The following DENND1B variants were observed in gnomAD, a reference collection of about 807,000 sequenced individuals.
The protein encoded by DENND1B is DENN domain containing 1B, also known as DENN domain-containing protein 1B.
Under a neutral mutation model 90.1 loss-of-function variants are expected in DENND1B, and 59 were observed. That is an observed-to-expected ratio of 0.65 (90% CI 0.53 to 0.81). The LOEUF is 0.81. Among genes scored for constraint, DENND1B ranks in the 40% least tolerant of loss-of-function variants. The pLI is 0.00. For missense variants in DENND1B, 862 were observed against 912.6 expected (o/e 0.94, Z 0.71); for synonymous variants, 337 against 324.6 (o/e 1.04, Z -0.41).
chr1:197,636,969 A>T (rs1679855133), intron 10 of DENND1B, among the ~76,000 whole-genome samples: 1 of 152,126 alleles, frequency 6.6e-6, no homozygotes, highest in Non-Finnish European at 1.5e-5. Flanking sequence ...ACAATGAGCT[A>T]AACTGCACTA....
chr1:197,704,690 C>T (rs1464628955), intron 3 of DENND1B, among the ~76,000 whole-genome samples: 1 of 152,134 alleles, frequency 6.6e-6, no homozygotes, highest in African/African-American at 2.4e-5. Context: ...GTACTAACAA[C>T]TCCATGTTAT....
intron 15 of DENND1B, among the ~76,000 whole-genome samples, chr1:197,572,786 T>C (rs1437722508): frequency 6.6e-6 from 1 of 152,032 alleles, no homozygotes; most frequent in East Asian, 1.9e-4. Flanking sequence ...GGCTCTGGAG[T>C]AGACCTCCAG....
intron 10 of DENND1B, among the ~76,000 whole-genome samples, chr1:197,618,930 T>C (rs944088818): frequency 2.6e-5 from 4 of 151,240 alleles, no homozygotes; most frequent in African/African-American, 9.7e-5. Flanking sequence ...CACATTTGTC[T>C]ATGTTTAAGT....
chr1:197,753,390 T>C (rs1211524791), intron 2 of DENND1B, among the ~76,000 whole-genome samples: 2 of 151,584 alleles, frequency 1.3e-5, no homozygotes, highest in Admixed American at 1.3e-4. Context: ...AGATCAAGGG[T>C]TGGAGGTAAG....
chr1:197,553,346 A>G (rs1671415382), intron 15 of DENND1B, among the ~76,000 whole-genome samples: 1 of 152,188 alleles, frequency 6.6e-6, no homozygotes, highest in Non-Finnish European at 1.5e-5. Flanking sequence ...GCAAATGTAC[A>G]GCAAAGAGTC....
At chr1:197,719,865 G>A (rs1660993384) in intron 2 of DENND1B, among the ~76,000 whole-genome samples, 1 of 152,144 alleles carries the variant, frequency 6.6e-6, no homozygotes, top group Non-Finnish European at 1.5e-5. Context: ...AAACAGCATA[G>A]TTTCAGTTAA....
At chr1:197,745,887 TTAG>T (rs1558472515) in intron 2 of DENND1B, among the ~76,000 whole-genome samples, 1 of 151,992 alleles carries the variant, frequency 6.6e-6, no homozygotes, top group African/African-American at 2.4e-5. Context: ...ACAAAAAAAA[TTAG>T]TAAATTGCTT....
chr1:197,693,215 C>A lies in DENND1B; in HGVS notation c.127-19046G>T, dbSNP rs549819652. ...AGGCTAAGGATATAGCTGTATGTTA[C>A]CACTTAGTACTAATTCACCAAGATA... is the stretch of plus-strand genomic sequence containing the variant. On this transcript the variant is annotated intron_variant, in intron 3 of 22. Transcript: ENST00000620048. 2.0e-5 allele frequency among the ~76,000 whole-genome samples: 3 copies of A among 151,682 alleles called. No individual in the cohort carries two copies. In the South Asian group the frequency reaches 6.2e-4, roughly 31 times the overall value.
rs535690053 is a variant in DENND1B, at chr1:197,509,875, A to G, written c.*585T>C. 1.8e-4 allele frequency: 27 copies of G among 152,254 alleles called. No homozygotes were observed. The highest frequency in any genetic ancestry group is 6.5e-4 in the African/African-American group (27 of 41,534). 9.4% of individuals were successfully genotyped at this position (152,254 alleles called of 1,614,324 possible). A position where few individuals can be genotyped will look rare whatever the true frequency, so the allele number is the denominator to read the frequency against. Reference sequence around the variant, plus strand: ...TTATATAAGCAAATTAAATATTTCCATTAAGAGAGCTTTTTAATCTTGAAA... The same window carrying G: ...TTATATAAGCAAATTAAATATTTCCGTTAAGAGAGCTTTTTAATCTTGAAA... On this transcript the variant is annotated 3_prime_UTR_variant, in exon 23 of 23. Transcript: ENST00000620048.
rs141109446 is a variant in DENND1B, at chr1:197,513,411, G to A, written c.1516-458C>T. ...TCAAATCTTAATGTGCGTATAAATCGCTTAGGGACTTATAAAAATGTAAAA... is the reference window on the plus strand; with the variant it reads ...TCAAATCTTAATGTGCGTATAAATCACTTAGGGACTTATAAAAATGTAAAA... On this transcript the variant is annotated intron_variant, in intron 20 of 22. Transcript: ENST00000620048. Among the ~76,000 whole-genome samples the A allele has an allele frequency of 2.6e-5, 4 of 151,596 alleles. No individual in the cohort carries two copies. The East Asian group carries it at 7.8e-4, about 30-fold the overall frequency.
In DENND1B at chr1:197,561,636, C is replaced by G. The variant is rs546741394; in HGVS notation, c.1150-8524G>C. ...ATCCATCCACTTACCTAATCAATAT[C>G]CTGCTTGCATCTCCAATAGATATCT... On this transcript the variant is annotated intron_variant, in intron 15 of 22. Coordinates refer to ENST00000620048, the MANE Select transcript of DENND1B (RefSeq NM_001195215.2). Among the ~76,000 whole-genome samples, 13 of 151,866 alleles carry G rather than the reference C, an allele frequency of 8.6e-5. No individual in the cohort carries two copies. The South Asian group carries it at 2.7e-3, about 32-fold the overall frequency.
intron 20 of DENND1B, among the ~76,000 whole-genome samples, chr1:197,513,289 T>A (rs1668166243): frequency 6.6e-6 from 1 of 151,580 alleles, no homozygotes; most frequent in Non-Finnish European, 1.5e-5. Context: ...CATGCACCCA[T>A]CACACAGTTT....
At chr1:197,707,875 C>G (rs1367922703) in intron 3 of DENND1B, among the ~76,000 whole-genome samples, 1 of 148,220 alleles carries the variant, frequency 6.7e-6, no homozygotes, top group Non-Finnish European at 1.5e-5. Context: ...GTGTGCGCAC[C>G]GTGCGCGAGC....
chr1:197,737,271 C>T (rs1318934374), intron 2 of DENND1B, among the ~76,000 whole-genome samples: 1 of 152,186 alleles, frequency 6.6e-6, no homozygotes, highest in African/African-American at 2.4e-5. Flanking sequence ...TAGCCCTATT[C>T]CTTTAGACAA....
intron 18 of DENND1B, among the ~76,000 whole-genome samples, chr1:197,545,002 G>GAAGGAAGA (rs368309429): frequency 1.0e-5 from 1 of 96,222 alleles, no homozygotes. Context: ...GAAGAAGGAA[G>GAAGGAAGA]ACGACGACGA....
intron 2 of DENND1B, among the ~76,000 whole-genome samples, chr1:197,718,003 C>T (rs537539135): frequency 2.6e-5 from 4 of 151,960 alleles, no homozygotes; most frequent in Non-Finnish European, 5.9e-5. Context: ...TTCTTGATTA[C>T]GGGTTTCAGT....
chr1:197,678,360 T>C (rs1278003356), intron 3 of DENND1B, among the ~76,000 whole-genome samples: 1 of 152,052 alleles, frequency 6.6e-6, no homozygotes, highest in Non-Finnish European at 1.5e-5. Flanking sequence ...TTTTATTTCA[T>C]ATGAATAACA....
intron 3 of DENND1B, among the ~76,000 whole-genome samples, chr1:197,693,902 T>C (rs182015877): frequency 7.0e-4 from 106 of 151,626 alleles, no homozygotes; most frequent in Middle Eastern, 6.8e-3. Flanking sequence ...TAACAAAAGA[T>C]CGGGTGGAGA....
At chr1:197,512,214 C>T (rs1411238177) in intron 21 of DENND1B, among the ~76,000 whole-genome samples, 1 of 151,612 alleles carries the variant, frequency 6.6e-6, no homozygotes, top group East Asian at 1.9e-4. Flanking sequence ...GAATTTGGGA[C>T]CTTTACTTTA....
Sources: gnomAD v4.1 joint callset for allele counts (sites outside exome capture counted in the v4.1 genomes callset) on GRCh38, gnomAD v4.1.1 for gene constraint, MANE v1.5 for transcripts, NCBI Gene and HGNC (gene_info 2026-07-23, HGNC 2026-07-21) for gene names.